PPIP5K2: variants seen among roughly 807,000 people sequenced by gnomAD.
PPIP5K2 encodes diphosphoinositol pentakisphosphate kinase 2, also known as inositol hexakisphosphate and diphosphoinositol-pentakisphosphate kinase 2.
Under a neutral mutation model 154.6 loss-of-function variants are expected in PPIP5K2, and 105 were observed. The observed-to-expected ratio is 0.68, with a 90% CI of 0.58 to 0.80. PPIP5K2 has a LOEUF of 0.80. PPIP5K2 is among the 30% of genes least tolerant of loss of function. The pLI is 0.00. For synonymous variants in PPIP5K2, 480 were observed against 490.3 expected, an observed-to-expected ratio of 0.98 and a Z score of 0.28; for missense variants, 992 against 1,504.6, an observed-to-expected ratio of 0.66 and a Z score of 5.64.
intron 30 of PPIP5K2, among the ~76,000 whole-genome samples, chr5:103,199,938 C>T (rs1802715477): frequency 6.6e-6 from 1 of 152,088 alleles, no homozygotes. Flanking sequence ...TGATCTGTAT[C>T]AATTTATGCA....
chr5:103,139,084 T>C (rs1265320272), intron 5 of PPIP5K2, among the ~76,000 whole-genome samples: 2 of 152,234 alleles, frequency 1.3e-5, no homozygotes, highest in Non-Finnish European at 2.9e-5. Flanking sequence ...GCAACAGTAC[T>C]TCTAAGTATT....
intron 18 of PPIP5K2, 70 bp from the exon 19 acceptor site, chr5:103,168,002 T>G: frequency 5.0e-6 from 5 of 995,280 alleles, no homozygotes; most frequent in Non-Finnish European, 7.4e-6. Flanking sequence ...TTTCTAATTA[T>G]TAACATATTA....
intron 6 of PPIP5K2, among the ~76,000 whole-genome samples, chr5:103,147,715 G>C (rs557874611): frequency 1.2e-3 from 178 of 151,964 alleles, no homozygotes; most frequent in Non-Finnish European, 2.2e-3. Flanking sequence ...AATGTTCATT[G>C]TATTTCTATG....
intron 4 of PPIP5K2, among the ~76,000 whole-genome samples, chr5:103,137,156 T>C (rs1350066980): frequency 6.6e-6 from 1 of 151,740 alleles, no homozygotes; most frequent in Non-Finnish European, 1.5e-5. Context: ...TTACTCATTA[T>C]AACTAGATTT....
intron 30 of PPIP5K2, among the ~76,000 whole-genome samples, chr5:103,198,487 C>T (rs1224857357): frequency 1.3e-5 from 2 of 152,128 alleles, no homozygotes; most frequent in African/African-American, 4.8e-5. Flanking sequence ...ATTGTGCTAT[C>T]AGTTGTACAG....
intron 17 of PPIP5K2, 74 bp downstream of exon 17, chr5:103,159,402 A>G (rs948001649): frequency 1.4e-5 from 17 of 1,209,544 alleles, no homozygotes; most frequent in Middle Eastern, 2.0e-4. Flanking sequence ...TAAAACATAC[A>G]TGTAGAGCTT....
rs1803761551 is a variant in PPIP5K2, at chr5:103,210,738, G to A, written c.*9104G>A. The A allele has an allele frequency of 6.6e-6, 1 of 151,860 alleles. No individual in the cohort carries two copies. Among genetic ancestry groups the A allele is most frequent in the African/African-American group, 2.4e-5 (1 of 41,340 alleles). The allele number at this position is 151,860 out of a possible 1,614,324, so 9.4% of individuals were successfully genotyped here. A position where few individuals can be genotyped will look rare whatever the true frequency, so the allele number is the denominator to read the frequency against. ...GGATGCTCTTTTGAGGAATTTACTT[G>A]GTTAATACAGTTAATAGTATAATAC... On this transcript the variant is annotated 3_prime_UTR_variant, in exon 31 of 31. Transcript: ENST00000358359.
intron 27 of PPIP5K2, 149 bp downstream of exon 27, chr5:103,186,588 A>G (rs1239871648): frequency 9.4e-7 from 1 of 1,067,200 alleles, no homozygotes; most frequent in African/African-American, 1.6e-5. Flanking sequence ...GCTCTCTGTT[A>G]TCTACAACTT....
At chr5:103,198,130 C>T (rs1297170996) in intron 30 of PPIP5K2, among the ~76,000 whole-genome samples, 1 of 151,792 alleles carries the variant, frequency 6.6e-6, no homozygotes, top group Non-Finnish European at 1.5e-5. Flanking sequence ...TTTGTGATTT[C>T]TTCTTTGATC....
At chr5:103,155,432 TTTTTTTTTTTTTG>T (rs1795270531) in intron 13 of PPIP5K2, among the ~76,000 whole-genome samples, 4 of 103,940 alleles carry the variant, frequency 3.8e-5, no homozygotes, top group Non-Finnish European at 7.6e-5. Flanking sequence ...TTTTTTTTTT[TTTTTTTTTTTTTG>T]AGACAGGGTC....
rs555004680 is a variant in PPIP5K2, at chr5:103,205,454, C to T, written c.*3820C>T. ...ACAATGGTTGAACTAATTTACACTC[C>T]CACCAAGTGTTCCTATTTCTCCACA... On this transcript the variant is annotated 3_prime_UTR_variant, in exon 31 of 31. Transcript: ENST00000358359. 1 of 152,294 alleles carries T rather than the reference C, an allele frequency of 6.6e-6. No homozygotes were observed. Among genetic ancestry groups the T allele is most frequent in the African/African-American group, 2.4e-5 (1 of 41,566 alleles). The allele number at this position is 152,294 out of a possible 1,614,324, so 9.4% of individuals were successfully genotyped here. A position where few individuals can be genotyped will look rare whatever the true frequency, so the allele number is the denominator to read the frequency against.
Position 103,210,713 on chromosome 5 carries a change from G to A in PPIP5K2, c.*9079G>A, listed in dbSNP as rs985789103. On this transcript the variant is annotated 3_prime_UTR_variant, in exon 31 of 31. Transcript: ENST00000358359. ...CCATTATCATGCTCTGTTGTTCCCT[G>A]GATGCTCTTTTGAGGAATTTACTTG... is the stretch of plus-strand genomic sequence containing the variant. 1.3e-5 allele frequency: 2 copies of A among 151,966 alleles called. No homozygotes were observed. The highest frequency in any genetic ancestry group is 1.3e-4 in the Admixed American group (2 of 15,242). 9.4% of individuals were successfully genotyped at this position (151,966 alleles called of 1,614,324 possible).
chr5:103,155,334 A>T (rs1371626969), intron 13 of PPIP5K2, among the ~76,000 whole-genome samples: 2 of 104,196 alleles, frequency 1.9e-5, no homozygotes, highest in South Asian at 3.3e-4. Context: ...TTACAATCTT[A>T]TTTCCTTTAT....
At chr5:103,164,406 T>C (rs976238207) in intron 17 of PPIP5K2, among the ~76,000 whole-genome samples, 6 of 152,042 alleles carry the variant, frequency 3.9e-5, no homozygotes, top group African/African-American at 1.4e-4. Context: ...TAGTTTTATT[T>C]TGCTATTTTT....
intron 26 of PPIP5K2, among the ~76,000 whole-genome samples, chr5:103,185,523 C>T (rs1162311101): frequency 6.6e-6 from 1 of 151,966 alleles, no homozygotes; most frequent in Non-Finnish European, 1.5e-5. Flanking sequence ...AATATTCCTA[C>T]AGTATATTTA....
chr5:103,203,806 A>G lies in PPIP5K2; in HGVS notation c.*2172A>G. The G allele has an allele frequency of 6.6e-6, 1 of 152,222 alleles. No individual in the cohort carries two copies. The highest frequency in any genetic ancestry group is 1.9e-4 in the East Asian group (1 of 5,198). 9.4% of individuals were successfully genotyped at this position (152,222 alleles called of 1,614,324 possible). On this transcript the variant is annotated 3_prime_UTR_variant, in exon 31 of 31. Transcript: ENST00000358359. ...TTAGCCCTTGAAGTCTAGTGCTGGC[A>G]GATTCTGCTGCCCTGGTTTAAATGA...
At position 103,128,386 on chromosome 5, in the gene PPIP5K2, C is replaced by CTTATTTAT. The variant is rs10607990; in HGVS notation, c.-284-889_-284-882dup. On this transcript the variant is annotated intron_variant, in intron 1 of 30. Coordinates refer to ENST00000358359, the MANE Select transcript of PPIP5K2 (RefSeq NM_001276277.3). ...TTGAGATGCTACTGCTCTTATAGTT[C>CTTATTTAT]TTATTTATTTATTTATTTATTTATT... 4.8e-3 allele frequency among the ~76,000 whole-genome samples: 710 copies of CTTATTTAT among 148,390 alleles called. 3 individuals carry two copies. The highest frequency in any genetic ancestry group is 6.5e-3 in the Admixed American group (96 of 14,790).
intron 27 of PPIP5K2, 57 bp from the exon 28 acceptor site, chr5:103,187,253 CTTTT>C (rs1800536647): frequency 7.6e-7 from 1 of 1,307,514 alleles, no homozygotes; most frequent in Non-Finnish European, 1.1e-6. Context: ...TCCCCTCTTT[CTTTT>C]AAGTGTTCTT....
intron 1 of PPIP5K2, among the ~76,000 whole-genome samples, chr5:103,124,390 A>G (rs1436698584): frequency 6.6e-6 from 1 of 152,022 alleles, no homozygotes; most frequent in African/African-American, 2.4e-5. Context: ...TATATTTGCC[A>G]TGCTGTCATA....
Sources: gnomAD v4.1 joint callset for allele counts (sites outside exome capture counted in the v4.1 genomes callset) on GRCh38, gnomAD v4.1.1 for gene constraint, MANE v1.5 for transcripts, NCBI Gene and HGNC (gene_info 2026-07-23, HGNC 2026-07-21) for gene names.